Variants in KMO observed in about 807,000 individuals in gnomAD.
The protein encoded by KMO is kynurenine 3-monooxygenase.
In KMO, 24 loss-of-function variants were observed where a neutral mutation model predicts 57.8. That is an observed-to-expected ratio of 0.42 (90% CI 0.30 to 0.58). The LOEUF (loss-of-function observed/expected upper bound fraction) is 0.58, where lower values mean the gene tolerates loss of function less well. Among genes scored for constraint, KMO ranks in the 20% least tolerant of loss-of-function variants. The pLI, the probability that KMO is intolerant of heterozygous loss-of-function variation, is 0.22. For synonymous variants in KMO, 210 were observed against 193.6 expected (o/e 1.08, Z -0.70); for missense variants, 483 against 588.2 (o/e 0.82, Z 1.85).
At chr1:241,588,887 T>C in intron 12 of KMO, 57 bp downstream of exon 12, 1 of 1,292,906 alleles carries the variant, frequency 7.7e-7, no homozygotes, top group East Asian at 2.3e-5. Flanking sequence ...TTCTAACAAG[T>C]GTTCTTTTCT....
In KMO at chr1:241,595,065, T is replaced by C. The variant is rs1051157849; in HGVS notation, c.*2912T>C. On this transcript the variant is annotated 3_prime_UTR_variant, in exon 15 of 15. Transcript: ENST00000366559. ...CACTGTGCTATAATTAGAGACTTTT[T>C]ACTATAAGCATCAAAAACAGATAAG... The C allele has an allele frequency of 2.4e-5, 4 of 163,780 alleles. No homozygotes were observed. The Admixed American group carries it at 2.5e-4, about 10-fold the overall frequency. 10.1% of individuals were successfully genotyped at this position (163,780 alleles called of 1,614,324 possible). A position where few individuals can be genotyped will look rare whatever the true frequency, so the allele number is the denominator to read the frequency against.
intron 11 of KMO, among the ~76,000 whole-genome samples, chr1:241,586,993 A>C (rs1663022086): frequency 6.6e-6 from 1 of 152,212 alleles, no homozygotes; most frequent in East Asian, 1.9e-4. Context: ...TAAAGCTCAG[A>C]GTACCCGTGC....
In KMO at chr1:241,590,057, A is replaced by G; in HGVS notation, c.1144A>G (p.Met382Val). ...NSSWFIFQKNMERFLHAIMPS... is the reference protein window; with the variant it reads ...NSSWFIFQKNVERFLHAIMPS... ...AAGCTGGTTCATTTTTCAGAAGAAC[A>G]TGGAGAGATTTCTTCATGCGATTAT... is the stretch of plus-strand genomic sequence containing the variant. Residue 382 changes from methionine (M) to valine (V), a missense_variant, in exon 13 of 15, where the codon ATG becomes GTG. Met to Val is a conservative substitution (Grantham distance 21). This residue lies in a region of KMO where 410 missense variants were observed against 492.3 expected (regional missense o/e 0.83). Coordinates refer to ENST00000366559, the MANE Select transcript of KMO (RefSeq NM_003679.5). The G allele has an allele frequency of 6.2e-7, 1 of 1,614,048 alleles. No homozygotes were observed. The highest frequency in any genetic ancestry group is 8.5e-7 in the Non-Finnish European group (1 of 1,179,912).
intron 6 of KMO, among the ~76,000 whole-genome samples, chr1:241,561,063 G>A (rs1246763411): frequency 6.6e-6 from 1 of 151,950 alleles, no homozygotes; most frequent in Non-Finnish European, 1.5e-5. Context: ...CTCTCCTCCT[G>A]TTCTCTTTCC....
chr1:241,539,790 T>C (rs897508639), intron 1 of KMO, among the ~76,000 whole-genome samples: 11 of 152,146 alleles, frequency 7.2e-5, no homozygotes, highest in African/African-American at 2.2e-4. Context: ...ACGGGGCAGG[T>C]AGAAGGAGGG....
intron 1 of KMO, among the ~76,000 whole-genome samples, chr1:241,540,824 G>A (rs551810424): frequency 6.6e-6 from 1 of 152,222 alleles, no homozygotes; most frequent in East Asian, 1.9e-4. Flanking sequence ...AGCTGTTTGG[G>A]GGGCCGAGGC....
intron 1 of KMO, among the ~76,000 whole-genome samples, chr1:241,535,952 G>A (rs536006226): frequency 5.6e-4 from 85 of 152,180 alleles, no homozygotes; most frequent in South Asian, 1.9e-3. Context: ...TTTTTACTTC[G>A]TAGATCTAAA....
chr1:241,590,340 C>A, intron 14 of KMO, 77 bp downstream of exon 14: 1 of 1,173,858 alleles, frequency 8.5e-7, no homozygotes, highest in Non-Finnish European at 1.3e-6. Flanking sequence ...TGTTTGTTTC[C>A]AACAAATACA....
chr1:241,549,277 G>GAA lies in KMO; in HGVS notation c.124+381_124+382dup, dbSNP rs1464959078. On this transcript the variant is annotated intron_variant, in intron 2 of 14. Transcript: ENST00000366559. ...AGAAAGAAAGAAAGAAAGGAAGGAA[G>GAA]AAAGAAAGAAAGGAGAAAGAGCAAG... 1.3e-4 allele frequency among the ~76,000 whole-genome samples: 18 copies of GAA among 134,860 alleles called. 1 individual carries two copies. The highest frequency in any genetic ancestry group is 5.0e-4 in the African/African-American group (18 of 35,930). 88.5% of individuals were successfully genotyped at this position (134,860 alleles called of 152,430 possible).
intron 2 of KMO, among the ~76,000 whole-genome samples, chr1:241,549,252 A>G (rs200189723): frequency 0.081 from 1,409 of 17,364 alleles, 109 homozygotes; most frequent in Admixed American, 0.24. Context: ...AAAGAAAGAA[A>G]GAAAGAAAGA....
Position 241,555,673 on chromosome 1 carries a change from T to G in KMO, c.361+13T>G. 6.6e-7 allele frequency: 1 copy of G among 1,506,298 alleles called. No individual in the cohort carries two copies. Among genetic ancestry groups the G allele is most frequent in the South Asian group, 1.1e-5 (1 of 88,432 alleles). The allele number at this position is 1,506,298 out of a possible 1,614,324, so 93.3% of individuals were successfully genotyped here. A position where few individuals can be genotyped will look rare whatever the true frequency, so the allele number is the denominator to read the frequency against. On this transcript the variant is annotated intron_variant, in intron 5 of 14. Transcript: ENST00000366559. ...GATCTATTGACTGGTAAGTCTAATGTTTGATTCATCAGTTGTCATTTTGAG... is the reference window on the plus strand; with the variant it reads ...GATCTATTGACTGGTAAGTCTAATGGTTGATTCATCAGTTGTCATTTTGAG...
Position 241,591,990 on chromosome 1 carries a change from T to C in KMO, c.1298T>C (p.Ile433Thr). 1 of 1,614,068 alleles carries C rather than the reference T, an allele frequency of 6.2e-7. No homozygotes were observed. The highest frequency in any genetic ancestry group is 8.5e-7 in the Non-Finnish European group (1 of 1,179,936). ...GGACTCTTTTTCTTGGGATCACTGATAGCCATCAGCAGTACCTACCTACTT... is the reference window on the plus strand; with the variant it reads ...GGACTCTTTTTCTTGGGATCACTGACAGCCATCAGCAGTACCTACCTACTT... ...NKGLFFLGSL[I>T]AISSTYLLIH... The change falls in exon 15 of 15, where the codon ATA becomes ACA. Residue 433 changes from isoleucine to threonine, a missense_variant. By Grantham distance (89) the Ile-to-Thr change is moderately conservative. This residue lies in a region of KMO where 410 missense variants were observed against 492.3 expected (regional missense o/e 0.83). Transcript: ENST00000366559.
At chr1:241,564,238 A>G (rs1254894169) in intron 7 of KMO, among the ~76,000 whole-genome samples, 2 of 152,212 alleles carry the variant, frequency 1.3e-5, no homozygotes, top group Non-Finnish European at 2.9e-5. Context: ...GTAGAAAATA[A>G]TACAAATATG....
At chr1:241,555,827 C>G (rs1661596821) in intron 5 of KMO, 167 bp downstream of exon 5, 1 of 474,912 alleles carries the variant, frequency 2.1e-6, no homozygotes, top group Admixed American at 3.6e-5. Context: ...ATAGCTCATG[C>G]CTGTAATCCC....
rs1337997206 is a variant in KMO, at chr1:241,595,202, T to C, written c.*3049T>C. ...TAATCAGTTGGGGAAAAAAATACTA[T>C]AGCAGACAGCACTAATGTCATCAAC... On this transcript the variant is annotated 3_prime_UTR_variant, in exon 15 of 15. Coordinates refer to ENST00000366559, the MANE Select transcript of KMO (RefSeq NM_003679.5). 3 of 153,448 alleles carry C rather than the reference T, an allele frequency of 2.0e-5. No homozygotes were observed. The highest frequency in any genetic ancestry group is 3.8e-4 in the East Asian group (2 of 5,236). 9.5% of individuals were successfully genotyped at this position (153,448 alleles called of 1,614,324 possible). A position where few individuals can be genotyped will look rare whatever the true frequency, so the allele number is the denominator to read the frequency against.
At chr1:241,579,225 A>C (rs1553350333) in intron 10 of KMO, among the ~76,000 whole-genome samples, 1 of 152,140 alleles carries the variant, frequency 6.6e-6, no homozygotes, top group Admixed American at 6.5e-5. Flanking sequence ...TTGTACTTGC[A>C]AAAGAGCACC....
intron 1 of KMO, among the ~76,000 whole-genome samples, chr1:241,538,918 A>G (rs1167341543): frequency 6.6e-6 from 1 of 152,042 alleles, no homozygotes; most frequent in African/African-American, 2.4e-5. Flanking sequence ...CCTCCTCCCA[A>G]ATACTCTCAG....
intron 4 of KMO, among the ~76,000 whole-genome samples, chr1:241,554,981 CAA>C (rs111385894): frequency 4.4e-5 from 6 of 136,740 alleles, no homozygotes; most frequent in Non-Finnish European, 3.2e-5. Context: ...GACTCTGTTT[CAA>C]AAAAAAAAAA....
intron 1 of KMO, among the ~76,000 whole-genome samples, chr1:241,546,402 G>C (rs1456823264): frequency 6.6e-6 from 1 of 152,120 alleles, no homozygotes; most frequent in South Asian, 2.1e-4. Context: ...AGAGGTATTA[G>C]TTCAAATGAC....
Sources: gnomAD v4.1 joint callset for allele counts (sites outside exome capture counted in the v4.1 genomes callset) on GRCh38, gnomAD v4.1.1 for gene constraint, gnomAD v4.1.1 regional missense constraint, MANE v1.5 for transcripts, NCBI Gene and HGNC (gene_info 2026-07-23, HGNC 2026-07-21) for gene names.